KALRN: variants seen among roughly 807,000 people sequenced by gnomAD.
KALRN encodes kalirin.
KALRN carries 70 observed loss-of-function variants against 353.7 expected under a neutral mutation model. The observed-to-expected ratio is 0.20, with a 90% CI of 0.16 to 0.24. KALRN has a LOEUF of 0.24. Ranked by LOEUF, KALRN falls within the 10% of genes least tolerant of loss-of-function variation. The probability of loss-of-function intolerance (pLI) is 1.00; values close to 1 mark genes in which losing one functional copy is unlikely to be tolerated. For synonymous variants in KALRN, 1,391 were observed against 1,434.8 expected (o/e 0.97, Z 0.69); for missense variants, 2,791 against 3,756.7 (o/e 0.74, Z 6.72).
chr3:124,170,884 G>T (rs1352998528), intron 1 of KALRN, among the ~76,000 whole-genome samples: 1 of 102,784 alleles, frequency 9.7e-6, no homozygotes, highest in South Asian at 3.2e-4. Context: ...ACATGGTCTC[G>T]CTTTGTCACC....
intron 27 of KALRN, among the ~76,000 whole-genome samples, chr3:124,479,648 T>C (rs1028909896): frequency 1.3e-5 from 2 of 151,930 alleles, no homozygotes; most frequent in African/African-American, 4.8e-5. Context: ...TCACCTAATA[T>C]CCATTACTGT....
intron 1 of KALRN, among the ~76,000 whole-genome samples, chr3:124,194,854 A>G (rs921719783): frequency 6.6e-6 from 1 of 151,994 alleles, no homozygotes; most frequent in African/African-American, 2.4e-5. Flanking sequence ...CTGCTGTTCC[A>G]TGAGAAAAGG....
At chr3:124,250,464 T>C (rs925614762) in intron 3 of KALRN, among the ~76,000 whole-genome samples, 1 of 152,230 alleles carries the variant, frequency 6.6e-6, no homozygotes. Context: ...AGCCCATGGC[T>C]GCACTGTTGC....
intron 14 of KALRN, among the ~76,000 whole-genome samples, chr3:124,419,791 A>T (rs1185167776): frequency 6.6e-6 from 1 of 152,224 alleles, no homozygotes; most frequent in African/African-American, 2.4e-5. Context: ...AAAGAGCCTG[A>T]CAAATGATTT....
chr3:124,620,089 T>C (rs950960132), intron 34 of KALRN, among the ~76,000 whole-genome samples: 1 of 152,156 alleles, frequency 6.6e-6, no homozygotes, highest in African/African-American at 2.4e-5. Flanking sequence ...CTATGGTTTT[T>C]GTTTTGTTTT....
intron 34 of KALRN, among the ~76,000 whole-genome samples, chr3:124,621,964 C>T (rs1425438700): frequency 6.6e-6 from 1 of 152,172 alleles, no homozygotes; most frequent in Non-Finnish European, 1.5e-5. Flanking sequence ...CCATTACGTG[C>T]CCTTCTCTAG....
chr3:124,664,560 G>A (rs1039816284), intron 45 of KALRN, among the ~76,000 whole-genome samples: 3 of 151,944 alleles, frequency 2.0e-5, no homozygotes, highest in East Asian at 1.9e-4. Context: ...ACAGGCAGGC[G>A]CCACCACGCC....
Position 124,692,987 on chromosome 3 carries a change from G to A in KALRN, c.7378-817G>A, listed in dbSNP as rs541827664. Among the ~76,000 whole-genome samples, 6 of 152,326 alleles carry A rather than the reference G, an allele frequency of 3.9e-5. No homozygotes were observed. In the South Asian group the frequency reaches 8.3e-4, roughly 21 times the overall value. ...TCCAGAATGGCTAGTTGGCTAAAAT[G>A]TTTTCCCTACTGTGAAATCTCCAGG... On this transcript the variant is annotated intron_variant, in intron 51 of 59. Coordinates refer to ENST00000682506, the MANE Select transcript of KALRN (RefSeq NM_001388419.1).
chr3:124,557,565 A>G (rs1561284728), intron 33 of KALRN, among the ~76,000 whole-genome samples: 1 of 152,144 alleles, frequency 6.6e-6, no homozygotes, highest in Non-Finnish European at 1.5e-5. Context: ...GTGCCCTTGA[A>G]ACTGTGCCAA....
chr3:124,490,180 C>T lies in KALRN; in HGVS notation c.4397-514C>T, dbSNP rs1056673415. Among the ~76,000 whole-genome samples, 8 of 152,248 alleles carry T rather than the reference C, an allele frequency of 5.3e-5. No homozygotes were observed. In the South Asian group the frequency reaches 1.7e-3, roughly 32 times the overall value. ...AGCTAAGCTGGGAGGATCACTTGAA[C>T]CTGGGAGTTCAAGGCTGCAGTGACC... On this transcript the variant is annotated intron_variant, in intron 29 of 59. Transcript: ENST00000682506.
At position 124,721,123 on chromosome 3, in the gene KALRN, A is replaced by G. The variant is rs142221779; in HGVS notation, c.*1653A>G. The G allele has an allele frequency of 3.5e-3, 526 of 152,356 alleles. 2 individuals carry two copies. The highest frequency in any genetic ancestry group is 0.012 in the African/African-American group (488 of 41,576). The allele number at this position is 152,356 out of a possible 1,614,324, so 9.4% of individuals were successfully genotyped here. Reference sequence around the variant, plus strand: ...TGGTGGAAACTAAGCCTGAACTTTAACATATAAAAAACACTTATTCCCACA... The same window carrying G: ...TGGTGGAAACTAAGCCTGAACTTTAGCATATAAAAAACACTTATTCCCACA... On this transcript the variant is annotated 3_prime_UTR_variant, in exon 60 of 60. Transcript: ENST00000682506.
chr3:124,214,986 G>T (rs1275384824), intron 1 of KALRN, among the ~76,000 whole-genome samples: 1 of 152,168 alleles, frequency 6.6e-6, no homozygotes, highest in Non-Finnish European at 1.5e-5. Flanking sequence ...TTTTCAGTAG[G>T]CATGCTTCTC....
At chr3:124,148,981 T>C (rs1204979661) in intron 1 of KALRN, among the ~76,000 whole-genome samples, 2 of 152,186 alleles carry the variant, frequency 1.3e-5, no homozygotes, top group Non-Finnish European at 2.9e-5. Flanking sequence ...TATATTATTA[T>C]TATGTTAATT....
At chr3:124,290,915 A>G (rs189024481) in intron 5 of KALRN, among the ~76,000 whole-genome samples, 64 of 152,318 alleles carry the variant, frequency 4.2e-4, no homozygotes, top group Non-Finnish European at 8.4e-4. Flanking sequence ...AGAGGAAGAA[A>G]AAGAAGACAA....
intron 1 of KALRN, among the ~76,000 whole-genome samples, chr3:124,181,903 A>G (rs535922744): frequency 2.0e-5 from 3 of 152,330 alleles, no homozygotes; most frequent in Admixed American, 2.0e-4. Context: ...GGTACAGGGT[A>G]CAGGGATCTT....
At chr3:124,042,723 G>A (rs1162699024) in intron 1 of KALRN, among the ~76,000 whole-genome samples, 1 of 152,114 alleles carries the variant, frequency 6.6e-6, no homozygotes, top group Non-Finnish European at 1.5e-5. Flanking sequence ...GGGAAGAGGG[G>A]GGATTTGGAG....
chr3:124,692,804 A>T (rs1000552508), intron 51 of KALRN, among the ~76,000 whole-genome samples: 1 of 152,246 alleles, frequency 6.6e-6, no homozygotes, highest in East Asian at 1.9e-4. Flanking sequence ...TACGTAATTA[A>T]CATACAATCA....
At chr3:124,146,874 C>CAAAAAAAA (rs34633708) in intron 1 of KALRN, among the ~76,000 whole-genome samples, 17,510 of 49,898 alleles carry the variant, frequency 0.35, 5,317 homozygotes, top group Non-Finnish European at 0.46. Context: ...GACTCTGTCT[C>CAAAAAAAA]AAAAAAAAAA....
chr3:124,607,128 A>G (rs2077427222), intron 34 of KALRN, among the ~76,000 whole-genome samples: 1 of 152,256 alleles, frequency 6.6e-6, no homozygotes. Context: ...AATTTTTGTA[A>G]TAGCGAACAA....
Sources: gnomAD v4.1 joint callset for allele counts (sites outside exome capture counted in the v4.1 genomes callset) on GRCh38, gnomAD v4.1.1 for gene constraint, MANE v1.5 for transcripts, NCBI Gene and HGNC (gene_info 2026-07-23, HGNC 2026-07-21) for gene names.